GRM6: variants seen among roughly 807,000 people sequenced by gnomAD.
GRM6 encodes glutamate metabotropic receptor 6.
A neutral mutation model predicts 78.4 loss-of-function variants in GRM6; 73 were observed. The observed-to-expected ratio is 0.93, with a 90% CI of 0.77 to 1.13. The LOEUF is 1.13. Ranked by LOEUF, GRM6 falls within the 50% of genes most tolerant of loss-of-function variation. GRM6 has a pLI of 0.00. For missense variants in GRM6, 1,251 were observed against 1,256.4 expected (o/e 1.00, Z 0.07); for synonymous variants, 580 against 555.0 (o/e 1.05, Z -0.63).
rs371275499 is a variant in GRM6, at chr5:178,988,996, C to T, written c.1293G>A (p.Pro431=). 2.8e-5 allele frequency: 45 copies of T among 1,613,926 alleles called. No individual in the cohort carries two copies. The African/African-American group carries it at 3.1e-4, about 11-fold the overall frequency. The change falls in exon 7 of 11, where the codon CCG becomes CCA. Residue 431 remains proline (P), a synonymous_variant. Coordinates refer to ENST00000517717, the MANE Select transcript of GRM6 (RefSeq NM_000843.4). The surrounding 1 kb of genome is among the most constrained non-coding windows in gnomAD (Gnocchi z 6.0). ...ALCPGHTGLC[P]AMEPTDGRML... ...TCCGCCCATCAGTGGGTTCCATCGC[C>T]GGGCACAGGCCTGTGTGCCCAGGGC...
rs1193980556 is a variant in GRM6, at chr5:178,978,912, C to A, written c.*2745G>T. 1 of 152,072 alleles carries A rather than the reference C, an allele frequency of 6.6e-6. No individual in the cohort carries two copies. Among genetic ancestry groups the A allele is most frequent in the African/African-American group, 2.4e-5 (1 of 41,400 alleles). 9.4% of individuals were successfully genotyped at this position (152,072 alleles called of 1,614,324 possible). A position where few individuals can be genotyped will look rare whatever the true frequency, so the allele number is the denominator to read the frequency against. ...ATTCAAACCCATGCATGCAAAAAAA[C>A]AGGAAAATCTTTAGGGAGCTGTCAA... On this transcript the variant is annotated 3_prime_UTR_variant, in exon 11 of 11. Coordinates refer to ENST00000517717, the MANE Select transcript of GRM6 (RefSeq NM_000843.4).
At chr5:178,987,006 T>C (rs1760580977) in intron 7 of GRM6, 23 bp from the exon 8 acceptor site, 3 of 1,610,046 alleles carry the variant, frequency 1.9e-6, no homozygotes, top group Non-Finnish European at 1.7e-6. Context: ...TCCGTCATCC[T>C]CGGTGGTCCT....
rs1197629120 is a variant in GRM6, at chr5:178,991,309, G to A, written c.857+115C>T. ...GGCAGCAGCAGGGAAGGTGGGGGGT[G>A]CGGGGAGCAGGGGAAAGGGAGGCAG... On this transcript the variant is annotated intron_variant, in intron 4 of 10. Transcript: ENST00000517717. The surrounding 1 kb of genome is among the most constrained non-coding windows in gnomAD (Gnocchi z 5.0). 6 of 1,020,528 alleles carry A rather than the reference G, an allele frequency of 5.9e-6. No homozygotes were observed. The highest frequency in any genetic ancestry group is 9.2e-6 in the Non-Finnish European group (6 of 653,460). The allele number at this position is 1,020,528 out of a possible 1,614,324, so 63.2% of individuals were successfully genotyped here. A position where few individuals can be genotyped will look rare whatever the true frequency, so the allele number is the denominator to read the frequency against.
chr5:178,991,331 G>T lies in GRM6; in HGVS notation c.857+93C>A. 1 of 1,208,356 alleles carries T rather than the reference G, an allele frequency of 8.3e-7. No homozygotes were observed. The highest frequency in any genetic ancestry group is 1.2e-6 in the Non-Finnish European group (1 of 816,914). 74.9% of individuals were successfully genotyped at this position (1,208,356 alleles called of 1,614,324 possible). A position where few individuals can be genotyped will look rare whatever the true frequency, so the allele number is the denominator to read the frequency against. The stretch of plus-strand genomic sequence containing the variant: ...GGTGCGGGGAGCAGGGGAAAGGGAG[G>T]CAGGGAGAGTGTGTAAGGTGGCGAT... On this transcript the variant is annotated intron_variant, in intron 4 of 10. Coordinates refer to ENST00000517717, the MANE Select transcript of GRM6 (RefSeq NM_000843.4). The surrounding 1 kb of genome is among the most constrained non-coding windows in gnomAD (Gnocchi z 5.0).
chr5:178,986,310 C>G lies in GRM6; in HGVS notation c.1944G>C (p.Ala648=). Residue 648 remains alanine (A), a synonymous_variant, in exon 9 of 11, where the codon GCG becomes GCC. Coordinates refer to ENST00000517717, the MANE Select transcript of GRM6 (RefSeq NM_000843.4). ...GGAAGAGCCTGCGGGCGGCACAGAC[C>G]GCGGCCCCAGGCTCAGCCACCATGA... ...TFLMVAEPGA[A]VCAARRLFLG... The G allele has an allele frequency of 6.2e-7, 1 of 1,613,936 alleles. No homozygotes were observed. The highest frequency in any genetic ancestry group is 1.1e-5 in the South Asian group (1 of 91,058).
rs1468249958 is a variant in GRM6, at chr5:178,991,750, C to T, written c.721+117G>A. 1.8e-6 allele frequency: 2 copies of T among 1,142,742 alleles called. No individual in the cohort carries two copies. Among genetic ancestry groups the T allele is most frequent in the East Asian group, 4.9e-5 (2 of 40,458 alleles). The allele number at this position is 1,142,742 out of a possible 1,614,324, so 70.8% of individuals were successfully genotyped here. On this transcript the variant is annotated intron_variant, in intron 3 of 10. Transcript: ENST00000517717. The surrounding 1 kb of genome is among the most constrained non-coding windows in gnomAD (Gnocchi z 5.0). ...AGGTCCCGCCCACATGGAGCACCAG[C>T]CAGGCAACCTCGGCCCAGCATGGAC...
chr5:178,982,533 C>T (rs1047842446), intron 10 of GRM6, among the ~76,000 whole-genome samples: 86 of 128,316 alleles, frequency 6.7e-4, no homozygotes, highest in African/African-American at 2.5e-3. Context: ...GCCAAGATCA[C>T]GCCACTGCAC....
At position 178,986,186 on chromosome 5, in the gene GRM6, G is replaced by T; in HGVS notation, c.2068C>A (p.Pro690Thr). 1 of 1,614,148 alleles carries T rather than the reference G, an allele frequency of 6.2e-7. No homozygotes were observed. Among genetic ancestry groups the T allele is most frequent in the Non-Finnish European group, 8.5e-7 (1 of 1,179,988 alleles). Residue 690 changes from proline (P) to threonine (T), a missense_variant, in exon 9 of 11, where the codon CCC (proline) becomes ACC (threonine). Pro to Thr is a conservative substitution (Grantham distance 38, BLOSUM62 -1). Transcript: ENST00000517717. ...AGCTGTGAGGTGGGGCTGATGAAGG[G>T]AGGGGGTGTGACCGAGCGCTTGCCC... is the stretch of plus-strand genomic sequence containing the variant. Reference protein sequence around the residue: ...EQGKRSVTPPPFISPTSQLVI... With the variant: ...EQGKRSVTPPTFISPTSQLVI...
rs1261676850 is a variant in GRM6 at position 178,986,551 on chromosome 5, T to C, written c.1703A>G (p.His568Arg). Residue 568 changes from histidine to arginine, a missense_variant, in exon 9 of 11, where the codon CAC (histidine) becomes CGC (arginine). Transcript: ENST00000517717. ...CPGDMRPTPN[H>R]TGCRPTPVVR... Reference sequence around the variant, plus strand: ...CACAGGTGTGGGGCGGCAGCCCGTGTGGTTGGGCGTGGGCCTCATGTCCCC... The same window carrying C: ...CACAGGTGTGGGGCGGCAGCCCGTGCGGTTGGGCGTGGGCCTCATGTCCCC... The C allele has an allele frequency of 1.2e-6, 2 of 1,607,536 alleles. No homozygotes were observed. Among genetic ancestry groups the C allele is most frequent in the Non-Finnish European group, 1.7e-6 (2 of 1,178,866 alleles).
At chr5:178,984,464 C>A (rs1439284980) in intron 9 of GRM6, among the ~76,000 whole-genome samples, 2 of 152,170 alleles carry the variant, frequency 1.3e-5, no homozygotes, top group African/African-American at 2.4e-5. Flanking sequence ...GTAGTCATGG[C>A]AAAACACCTA....
rs1760706733 is a variant in GRM6, at chr5:178,992,882, G to T, written c.505-799C>A. On this transcript the variant is annotated intron_variant, in intron 2 of 10. Transcript: ENST00000517717. This position sits in a 1 kb window ranked among gnomAD's most constrained non-coding sequence, Gnocchi z 4.9. ...CAGGGAGAGAGAAAGAAAGAGGGAA[G>T]GTGGGGCTGGAGAGAAACAAGAAGG... is the stretch of plus-strand genomic sequence containing the variant. 6.6e-6 allele frequency among the ~76,000 whole-genome samples: 1 copy of T among 151,744 alleles called. No homozygotes were observed. The highest frequency in any genetic ancestry group is 6.6e-5 in the Admixed American group (1 of 15,218).
rs1025687366 is a variant in GRM6, at chr5:178,988,602, T to C, written c.1354+333A>G. On this transcript the variant is annotated intron_variant, in intron 7 of 10. Transcript: ENST00000517717. The surrounding 1 kb of genome is among the most constrained non-coding windows in gnomAD (Gnocchi z 6.0). ...CACGCAGTCTTAACTGTGCCCCACG[T>C]GCACCCCCAGGGTCCAGATGCCCTC... Among the ~76,000 whole-genome samples the C allele has an allele frequency of 6.6e-6, 1 of 152,138 alleles. No individual in the cohort carries two copies. Among genetic ancestry groups the C allele is most frequent in the Non-Finnish European group, 1.5e-5 (1 of 68,012 alleles).
Position 178,986,652 on chromosome 5 carries a change from G to A in GRM6, c.1602C>T (p.Val534=), listed in dbSNP as rs778843864. 1 of 1,602,646 alleles carries A rather than the reference G, an allele frequency of 6.2e-7. No homozygotes were observed. The highest frequency in any genetic ancestry group is 8.5e-7 in the Non-Finnish European group (1 of 1,179,894). Residue 534 remains valine, a synonymous_variant, in exon 9 of 11, where the codon GTC becomes GTT. Coordinates refer to ENST00000517717, the MANE Select transcript of GRM6 (RefSeq NM_000843.4). The part of the protein sequence containing the change: ...PGERKKMVKG[V]PCCWHCEACD... Reference sequence around the variant, plus strand: ...AGGCCTCGCAGTGCCAACAGCAGGGGACGCCCTTCACCATCTTCTTCCGCT... The same window carrying A: ...AGGCCTCGCAGTGCCAACAGCAGGGAACGCCCTTCACCATCTTCTTCCGCT...
At position 178,986,401 on chromosome 5, in the gene GRM6, G is replaced by A; in HGVS notation, c.1853C>T (p.Ala618Val). The change falls in exon 9 of 11, where the codon GCC (alanine) becomes GTC (valine). Residue 618 changes from alanine (A) to valine (V), a missense_variant. Ala to Val is a moderately conservative substitution (Grantham distance 64). Coordinates refer to ENST00000517717, the MANE Select transcript of GRM6 (RefSeq NM_000843.4). ...GACGTAGCTGAGCTCTCGGCCCGAG[G>A]CCCGGACGATGGGCGTGTTGTTGTA... ...VRYNNTPIVR[A>V]SGRELSYVLL... 4 of 1,613,910 alleles carry A rather than the reference G, an allele frequency of 2.5e-6. No homozygotes were observed. The highest frequency in any genetic ancestry group is 1.7e-4 in the Middle Eastern group (1 of 6,056).
Position 178,981,911 on chromosome 5 carries a change from CCA to C in GRM6, c.2437-59_2437-58del. On this transcript the variant is annotated intron_variant, in intron 10 of 10. Coordinates refer to ENST00000517717, the MANE Select transcript of GRM6 (RefSeq NM_000843.4). The surrounding 1 kb of genome is among the most constrained non-coding windows in gnomAD (Gnocchi z 5.1). ...TCAGCCCTGCTCTCCCTGCCCCGCTCCACACAGTCCTCACCACATACTCTGGA... is the reference window on the plus strand; with the variant it reads ...TCAGCCCTGCTCTCCCTGCCCCGCTCCACAGTCCTCACCACATACTCTGGA... 1 of 1,032,586 alleles carries C rather than the reference CCA, an allele frequency of 9.7e-7. No individual in the cohort carries two copies. The highest frequency in any genetic ancestry group is 1.5e-6 in the Non-Finnish European group (1 of 650,402). 64.0% of individuals were successfully genotyped at this position (1,032,586 alleles called of 1,614,324 possible).
chr5:178,991,780 G>T lies in GRM6; in HGVS notation c.721+87C>A. 1 of 1,251,600 alleles carries T rather than the reference G, an allele frequency of 8.0e-7. No homozygotes were observed. Among genetic ancestry groups the T allele is most frequent in the Non-Finnish European group, 1.2e-6 (1 of 864,440 alleles). The allele number at this position is 1,251,600 out of a possible 1,614,324, so 77.5% of individuals were successfully genotyped here. On this transcript the variant is annotated intron_variant, in intron 3 of 10. Transcript: ENST00000517717. The surrounding 1 kb of genome is among the most constrained non-coding windows in gnomAD (Gnocchi z 5.0). ...CAACCTCGGCCCAGCATGGACCTGG[G>T]CCCCCCATCTTTCTGCTTCTGCCCC...
At position 178,992,436 on chromosome 5, in the gene GRM6, C is replaced by T. The variant is rs2113344344; in HGVS notation, c.505-353G>A. On this transcript the variant is annotated intron_variant, in intron 2 of 10. Transcript: ENST00000517717. The surrounding 1 kb of genome is among the most constrained non-coding windows in gnomAD (Gnocchi z 4.9). ...CTGCAGCCCATCCAGCTGCATCTGC[C>T]TGTCCTAGTCAGGCCCAGGGCAAAG... 2.4e-6 allele frequency: 1 copy of T among 413,688 alleles called. No individual in the cohort carries two copies. Among genetic ancestry groups the T allele is most frequent in the Non-Finnish European group, 4.7e-6 (1 of 210,956 alleles). The allele number at this position is 413,688 out of a possible 1,614,324, so 25.6% of individuals were successfully genotyped here. A position where few individuals can be genotyped will look rare whatever the true frequency, so the allele number is the denominator to read the frequency against.
Position 178,989,518 on chromosome 5 carries a change from GTGGCCAGGTGAACTAGGCA to G in GRM6, c.1013-132_1013-114del, listed in dbSNP as rs1425057770. 5.4e-4 allele frequency: 729 copies of G among 1,339,864 alleles called. 9 individuals carry two copies. In the South Asian group the frequency reaches 8.2e-3, roughly 15 times the overall value. 83.0% of individuals were successfully genotyped at this position (1,339,864 alleles called of 1,614,324 possible). A position where few individuals can be genotyped will look rare whatever the true frequency, so the allele number is the denominator to read the frequency against. ...CTAGGAGTGGCCAGGTGAGCTAGGA[GTGGCCAGGTGAACTAGGCA>G]TGGCCAGGTGAGCTAGGAGTGGCCA... On this transcript the variant is annotated intron_variant, in intron 5 of 10. Transcript: ENST00000517717.
At position 178,994,588 on chromosome 5, in the gene GRM6, G is replaced by A. The variant is rs747289985; in HGVS notation, c.357C>T (p.Gly119=). 14 of 1,347,372 alleles carry A rather than the reference G, an allele frequency of 1.0e-5. No homozygotes were observed. The African/African-American group carries it at 1.8e-4, about 18-fold the overall frequency. The allele number at this position is 1,347,372 out of a possible 1,614,324, so 83.5% of individuals were successfully genotyped here. The change falls in exon 2 of 11, where the codon GGC becomes GGT. Residue 119 remains glycine, a synonymous_variant. Coordinates refer to ENST00000517717, the MANE Select transcript of GRM6 (RefSeq NM_000843.4). ...ALSFVQALIR[G]RGDGDEVGVR... The stretch of plus-strand genomic sequence containing the variant: ...CGCCCACCTCGTCGCCGTCGCCGCG[G>A]CCGCGGATCAGCGCCTGCACGAAGC...
Sources: gnomAD v4.1 joint callset for allele counts (sites outside exome capture counted in the v4.1 genomes callset) on GRCh38, gnomAD v4.1.1 for gene constraint, Gnocchi (gnomAD v3.1) non-coding constraint, MANE v1.5 for transcripts, NCBI Gene and HGNC (gene_info 2026-07-23, HGNC 2026-07-21) for gene names.